The following ZNFX1 variants were observed in gnomAD, a reference collection of about 807,000 sequenced individuals.
The protein encoded by ZNFX1 is zinc finger NFX1-type containing 1.
ZNFX1 carries 78 observed loss-of-function variants against 179.8 expected under a neutral mutation model. The ratio of observed to expected loss-of-function variants is 0.43; its 90% CI spans 0.36 to 0.52. The LOEUF (loss-of-function observed/expected upper bound fraction) is 0.52. Ranked by LOEUF, ZNFX1 falls within the 20% of genes least tolerant of loss-of-function variation. The pLI is 0.00. For synonymous variants in ZNFX1, 848 were observed against 868.5 expected (o/e 0.98, Z 0.42); for missense variants, 1,927 against 2,386.6 (o/e 0.81, Z 4.01).
intron 13 of ZNFX1, among the ~76,000 whole-genome samples, chr20:49,250,291 A>G (rs1980804272): frequency 6.6e-6 from 1 of 152,132 alleles, no homozygotes; most frequent in African/African-American, 2.4e-5. Flanking sequence ...GCCATCCACA[A>G]TCCAACCATT....
intron 1 of ZNFX1, 21 bp from the exon 2 acceptor site, chr20:49,275,908 G>T: frequency 6.4e-7 from 1 of 1,551,150 alleles, no homozygotes. Flanking sequence ...TGAGTTATCA[G>T]TGTCCTCGAA....
chr20:49,250,266 A>G (rs549433024), intron 13 of ZNFX1, among the ~76,000 whole-genome samples: 1 of 152,316 alleles, frequency 6.6e-6, no homozygotes, highest in East Asian at 1.9e-4. Flanking sequence ...CTCAAAAAAA[A>G]TAGAAAATAA....
intron 6 of ZNFX1, among the ~76,000 whole-genome samples, chr20:49,261,186 A>G (rs550991133): frequency 6.6e-6 from 1 of 152,246 alleles, no homozygotes; most frequent in African/African-American, 2.4e-5. Context: ...GTGAGCTATG[A>G]TTATGCCACT....
In ZNFX1 at chr20:49,271,547, T is replaced by C. The variant is rs961863413; in HGVS notation, c.265A>G (p.Ser89Gly). ...TGTCTTTGGTCTCTAGCTTCGTCGC[T>C]GGCATGCCCCTCCTGGTTCCTCCTT... ...QGRRNQEGHA[S>G]DEARDQRHDQ... is the part of the protein sequence containing the mutation. The change falls in exon 3 of 14, where the codon AGC becomes GGC. Residue 89 changes from serine (S) to glycine (G), a missense_variant. Coordinates refer to ENST00000396105, the MANE Select transcript of ZNFX1 (RefSeq NM_021035.3). 6.2e-7 allele frequency: 1 copy of C among 1,614,072 alleles called. No individual in the cohort carries two copies. Among genetic ancestry groups the C allele is most frequent in the Non-Finnish European group, 8.5e-7 (1 of 1,180,038 alleles).
At chr20:49,275,744 A>C (rs755261877) in intron 2 of ZNFX1, 35 bp downstream of exon 2, 66 of 1,602,966 alleles carry the variant, frequency 4.1e-5, no homozygotes, top group Non-Finnish European at 5.2e-5. Context: ...TTATTACTAG[A>C]ATTTCCTTCT....
In ZNFX1 at chr20:49,246,879, T is replaced by C. The variant is rs1337675751; in HGVS notation, c.*388A>G. Reference sequence around the variant, plus strand: ...CTAAGACTAAAAAGAATGATTTTTTTTTTTTTGAGACAGAGTCTTGCTCCT... The same window carrying C: ...CTAAGACTAAAAAGAATGATTTTTTCTTTTTTGAGACAGAGTCTTGCTCCT... On this transcript the variant is annotated 3_prime_UTR_variant, in exon 14 of 14. Coordinates refer to ENST00000396105, the MANE Select transcript of ZNFX1 (RefSeq NM_021035.3). 4.4e-6 allele frequency: 2 copies of C among 458,946 alleles called. No individual in the cohort carries two copies. Among genetic ancestry groups the C allele is most frequent in the Admixed American group, 2.3e-5 (1 of 42,584 alleles). The allele number at this position is 458,946 out of a possible 1,614,324, so 28.4% of individuals were successfully genotyped here. A position where few individuals can be genotyped will look rare whatever the true frequency, so the allele number is the denominator to read the frequency against.
chr20:49,253,860 C>G, intron 10 of ZNFX1, 49 bp from the exon 11 acceptor site: 1 of 1,603,952 alleles, frequency 6.2e-7, no homozygotes, highest in Non-Finnish European at 8.5e-7. Flanking sequence ...AGGCACAGGA[C>G]CCACAGGGCC....
chr20:49,255,890 G>T lies in ZNFX1; in HGVS notation c.2722C>A (p.Leu908Met), dbSNP rs757469655. Residue 908 changes from leucine (L) to methionine (M), a missense_variant, in exon 9 of 14, where the codon CTG (leucine) becomes ATG (methionine). Transcript: ENST00000396105. ...GCCTCGGCTGCAGTCATGGTGTTCA[G>T]TTTGCGAAGCTCATCCTTCACTCTT... ...KKRVKDELRK[L>M]NTMTAAEANE... The T allele has an allele frequency of 1.9e-6, 3 of 1,614,202 alleles. No homozygotes were observed. Among genetic ancestry groups the T allele is most frequent in the Middle Eastern group, 3.3e-4 (2 of 6,062 alleles).
At chr20:49,275,030 G>T (rs2146744878) in intron 2 of ZNFX1, among the ~76,000 whole-genome samples, 1 of 151,802 alleles carries the variant, frequency 6.6e-6, no homozygotes, top group African/African-American at 2.4e-5. Context: ...GGCTGAGGCA[G>T]GAGAATGGCG....
At chr20:49,262,976 T>C (rs1311437099) in intron 6 of ZNFX1, among the ~76,000 whole-genome samples, 1 of 152,236 alleles carries the variant, frequency 6.6e-6, no homozygotes, top group Non-Finnish European at 1.5e-5. Flanking sequence ...ATAACAATCC[T>C]GTAAGAACAA....
chr20:49,255,779 A>C lies in ZNFX1; in HGVS notation c.2804+29T>G, dbSNP rs1385795799. ...TAGGAACAGAAGAGGAACTCCCTAC[A>C]TGGGTTGGCTAGATGTGGAACACAG... On this transcript the variant is annotated intron_variant, in intron 9 of 13. Coordinates refer to ENST00000396105, the MANE Select transcript of ZNFX1 (RefSeq NM_021035.3). 1.9e-6 allele frequency: 3 copies of C among 1,590,146 alleles called. No homozygotes were observed. The South Asian group carries it at 3.4e-5, about 18-fold the overall frequency.
rs1411022332 is a variant in ZNFX1, at chr20:49,249,150, A to G, written c.3874T>C (p.Cys1292Arg). The change falls in exon 14 of 14, where the codon TGC becomes CGC. Residue 1292 changes from cysteine to arginine, a missense_variant. Cys to Arg is a radical substitution (Grantham distance 180). Transcript: ENST00000396105. ...TGCCCACAGCCCAGGCGGAACTCGC[A>G]GGGCAGGCTGCAGCCTCCTTCGGGT... Reference protein sequence around the residue: ...KVPEGGCSLPCEFRLGCGHVC... With the variant: ...KVPEGGCSLPREFRLGCGHVC... 6.2e-7 allele frequency: 1 copy of G among 1,614,236 alleles called. No homozygotes were observed.
rs1981356339 is a variant in ZNFX1, at chr20:49,270,537, G to T, written c.1275C>A (p.Gly425=). 1 of 1,614,124 alleles carries T rather than the reference G, an allele frequency of 6.2e-7. No individual in the cohort carries two copies. The highest frequency in any genetic ancestry group is 1.1e-5 in the South Asian group (1 of 91,092). ...RIITPMCSSS[G]IVYKVQFDTK... ...TGTCAAACTGCACCTTGTAGACTAT[G>T]CCTGATGATGAACACATGGGGGTGA... The change falls in exon 3 of 14, where the codon GGC becomes GGA. Residue 425 remains glycine, a synonymous_variant. Coordinates refer to ENST00000396105, the MANE Select transcript of ZNFX1 (RefSeq NM_021035.3). This position sits in a 1 kb window ranked among gnomAD's most constrained non-coding sequence, Gnocchi z 4.6.
In ZNFX1 at chr20:49,271,368, G is replaced by A; in HGVS notation, c.444C>T (p.Phe148=). ...GGTCTTTCTGCAGAAGACTTTCTAA[G>A]AACTTGTAGCCCAGTTTCTTCGCCT... ...PQQAKKLGYK[F]LESLLQKDPS... is the part of the protein sequence containing the mutation. The change falls in exon 3 of 14, where the codon TTC becomes TTT. Residue 148 remains phenylalanine (F), a synonymous_variant. Transcript: ENST00000396105. 6.2e-7 allele frequency: 1 copy of A among 1,614,178 alleles called. No individual in the cohort carries two copies. Among genetic ancestry groups the A allele is most frequent in the Non-Finnish European group, 8.5e-7 (1 of 1,180,020 alleles).
chr20:49,256,757 G>A (rs1477698265), intron 8 of ZNFX1, among the ~76,000 whole-genome samples: 2 of 152,220 alleles, frequency 1.3e-5, no homozygotes, highest in African/African-American at 4.8e-5. Context: ...TAGATCAGGT[G>A]CAAAGCCAGC....
chr20:49,268,655 C>A (rs769710922), intron 3 of ZNFX1, among the ~76,000 whole-genome samples: 4 of 152,018 alleles, frequency 2.6e-5, no homozygotes, highest in Non-Finnish European at 5.9e-5. Context: ...AATTAAACAA[C>A]CCCATTAAAA....
chr20:49,265,444 G>C (rs139927648), intron 4 of ZNFX1, among the ~76,000 whole-genome samples: 1 of 152,314 alleles, frequency 6.6e-6, no homozygotes, highest in African/African-American at 2.4e-5. Context: ...AGCAATAAAT[G>C]TAGTGAGTAC....
intron 13 of ZNFX1, among the ~76,000 whole-genome samples, chr20:49,250,241 AGAGT>A (rs1233703834): frequency 6.6e-6 from 1 of 152,208 alleles, no homozygotes; most frequent in Non-Finnish European, 1.5e-5. Flanking sequence ...GGTGACAGAC[AGAGT>A]GAGACTCCAT....
At position 49,270,043 on chromosome 20, in the gene ZNFX1, C is replaced by A. The variant is rs1223809885; in HGVS notation, c.1769G>T (p.Trp590Leu). The A allele has an allele frequency of 6.2e-7, 1 of 1,614,100 alleles. No individual in the cohort carries two copies. Among genetic ancestry groups the A allele is most frequent in the Non-Finnish European group, 8.5e-7 (1 of 1,180,046 alleles). Residue 590 changes from tryptophan (W) to leucine (L), a missense_variant, in exon 3 of 14, where the codon TGG becomes TTG. By Grantham distance (61) the Trp-to-Leu change is moderately conservative (BLOSUM62 -2). Coordinates refer to ENST00000396105, the MANE Select transcript of ZNFX1 (RefSeq NM_021035.3). The surrounding 1 kb of genome is among the most constrained non-coding windows in gnomAD (Gnocchi z 4.6). ...PRINVLDPGQ[W>L]PSKEALKLDD... is the part of the protein sequence containing the mutation. ...CAGCTTCAGGGCTTCTTTTGAGGGCCACTGGCCAGGATCTAAGACATTAAT... is the reference window on the plus strand; with the variant it reads ...CAGCTTCAGGGCTTCTTTTGAGGGCAACTGGCCAGGATCTAAGACATTAAT...
Sources: gnomAD v4.1 joint callset for allele counts (sites outside exome capture counted in the v4.1 genomes callset) on GRCh38, gnomAD v4.1.1 for gene constraint, Gnocchi (gnomAD v3.1) non-coding constraint, MANE v1.5 for transcripts, NCBI Gene and HGNC (gene_info 2026-07-23, HGNC 2026-07-21) for gene names.